The following TNFSF11 variants were observed in gnomAD, a reference collection of about 807,000 sequenced individuals.
TNFSF11 encodes TNF superfamily member 11.
TNFSF11 carries 12 observed loss-of-function variants against 32.2 expected under a neutral mutation model. The ratio of observed to expected loss-of-function variants is 0.37; its 90% CI spans 0.24 to 0.60. The LOEUF (loss-of-function observed/expected upper bound fraction) is 0.60. TNFSF11 is among the 20% of genes least tolerant of loss of function. The pLI is 0.66. For synonymous variants in TNFSF11, 172 were observed against 152.1 expected (o/e 1.13, Z -0.96); for missense variants, 345 against 398.0 (o/e 0.87, Z 1.13).
intron 4 of TNFSF11, among the ~76,000 whole-genome samples, chr13:42,601,853 T>C (rs548340293): frequency 1.3e-5 from 2 of 152,256 alleles, no homozygotes; most frequent in Admixed American, 6.5e-5. Context: ...TCCTGCAAGG[T>C]AGGGATTATC....
intron 2 of TNFSF11, among the ~76,000 whole-genome samples, chr13:42,593,685 A>G (rs963446217): frequency 6.6e-6 from 1 of 152,220 alleles, no homozygotes; most frequent in Non-Finnish European, 1.5e-5. Flanking sequence ...GTTGGAGAAG[A>G]ATTACATGAA....
intron 2 of TNFSF11, among the ~76,000 whole-genome samples, chr13:42,586,273 T>A: frequency 6.6e-6 from 1 of 152,234 alleles, no homozygotes; most frequent in Admixed American, 6.5e-5. Context: ...CACACTTAGT[T>A]TATTCTCAGG....
At chr13:42,584,115 A>T (rs1458970794) in intron 2 of TNFSF11, among the ~76,000 whole-genome samples, 1 of 152,232 alleles carries the variant, frequency 6.6e-6, no homozygotes, top group Non-Finnish European at 1.5e-5. Context: ...CTACAGAGGC[A>T]TTTAAAATAC....
chr13:42,578,266 G>C (rs760920955), intron 1 of TNFSF11, among the ~76,000 whole-genome samples: 1 of 152,178 alleles, frequency 6.6e-6, no homozygotes, highest in South Asian at 2.1e-4. Flanking sequence ...TTGGGTAGGC[G>C]ATACATTCGT....
At chr13:42,597,149 G>C (rs961547361) in intron 2 of TNFSF11, among the ~76,000 whole-genome samples, 14 of 135,254 alleles carry the variant, frequency 1.0e-4, no homozygotes, top group African/African-American at 3.8e-4. Context: ...TACAGATATT[G>C]GGAATACTTT....
Position 42,606,512 on chromosome 13 carries a change from G to A in TNFSF11, c.548G>A (p.Ser183Asn). Residue 183 changes from serine to asparagine, a missense_variant, in exon 5 of 5, where the codon AGT becomes AAT. Ser to Asn is a conservative substitution (Grantham distance 46). Coordinates refer to ENST00000398795, the MANE Select transcript of TNFSF11 (RefSeq NM_003701.4). ...TTCTCCACAGGTTCCCATAAAGTGA[G>A]TCTGTCCTCTTGGTACCATGATCGG... ...TDIPSGSHKV[S>N]LSSWYHDRGW... 1 of 1,614,202 alleles carries A rather than the reference G, an allele frequency of 6.2e-7. No individual in the cohort carries two copies. Among genetic ancestry groups the A allele is most frequent in the Non-Finnish European group, 8.5e-7 (1 of 1,180,038 alleles).
upstream of TNFSF11, among the ~76,000 whole-genome samples, chr13:42,571,211 G>A (rs116387786): frequency 1.3e-3 from 199 of 152,318 alleles, no homozygotes; most frequent in African/African-American, 4.5e-3. Context: ...CTGGAGAGGC[G>A]ACATTTGAGC....
intron 4 of TNFSF11, among the ~76,000 whole-genome samples, chr13:42,603,342 A>C (rs574203875): frequency 6.6e-6 from 1 of 152,242 alleles, no homozygotes; most frequent in African/African-American, 2.4e-5. Context: ...CAGGGACTGA[A>C]GTGTAGGGCA....
chr13:42,583,765 C>T (rs1381608470), intron 2 of TNFSF11, among the ~76,000 whole-genome samples: 1 of 151,956 alleles, frequency 6.6e-6, no homozygotes, highest in African/African-American at 2.4e-5. Flanking sequence ...AGGAACATGA[C>T]CAAGATGCCC....
chr13:42,599,381 T>TATC (rs1183055879), intron 2 of TNFSF11, among the ~76,000 whole-genome samples: 1 of 151,932 alleles, frequency 6.6e-6, no homozygotes, highest in African/African-American at 2.4e-5. Flanking sequence ...TCTATCTATC[T>TATC]ATCTGTCTAT....
chr13:42,603,040 T>C (rs1296197831), intron 4 of TNFSF11, among the ~76,000 whole-genome samples: 1 of 152,210 alleles, frequency 6.6e-6, no homozygotes, highest in Non-Finnish European at 1.5e-5. Context: ...AATTTGTGGC[T>C]CTGGCTGGGC....
At chr13:42,577,670 A>G (rs1240864807) in intron 1 of TNFSF11, among the ~76,000 whole-genome samples, 2 of 152,124 alleles carry the variant, frequency 1.3e-5, no homozygotes, top group Admixed American at 1.3e-4. Context: ...CGATCCCCCA[A>G]TATGCACAAA....
rs1193769791 is a variant in TNFSF11 at position 42,607,530 on chromosome 13, C to G, written c.*612C>G. 1 of 152,732 alleles carries G rather than the reference C, an allele frequency of 6.5e-6. No homozygotes were observed. The highest frequency in any genetic ancestry group is 1.5e-5 in the Non-Finnish European group (1 of 68,042). The allele number at this position is 152,732 out of a possible 1,614,324, so 9.5% of individuals were successfully genotyped here. On this transcript the variant is annotated 3_prime_UTR_variant, in exon 5 of 5. Transcript: ENST00000398795. The stretch of plus-strand genomic sequence containing the variant: ...GTTTTAAATGTACAGACATATTTAA[C>G]TGGTGCACTTTGTAAATTCCCTGGG...
upstream of TNFSF11, among the ~76,000 whole-genome samples, chr13:42,572,622 T>C (rs1260550705): frequency 6.6e-6 from 1 of 152,114 alleles, no homozygotes; most frequent in African/African-American, 2.4e-5. Flanking sequence ...AGTCTGAAAA[T>C]TTTTTGTCCC....
chr13:42,590,198 T>G (rs1874099711), intron 2 of TNFSF11, among the ~76,000 whole-genome samples: 1 of 152,262 alleles, frequency 6.6e-6, no homozygotes, highest in Non-Finnish European at 1.5e-5. Flanking sequence ...TTAATGAATA[T>G]GTGAGTGACC....
exon 1 of TNFSF11, chr13:42,562,777 A>C (rs1043118610): frequency 1.3e-5 from 2 of 152,234 alleles, no homozygotes; most frequent in African/African-American, 4.8e-5. Flanking sequence ...CTCTGGTGGC[A>C]TAGCTAAGAC....
At chr13:42,604,974 G>T (rs1166503750) in intron 4 of TNFSF11, among the ~76,000 whole-genome samples, 1 of 152,044 alleles carries the variant, frequency 6.6e-6, no homozygotes, top group African/African-American at 2.4e-5. Context: ...TAGTAGAGAT[G>T]GGGTTTCACC....
chr13:42,600,171 C>T (rs1311446838), intron 2 of TNFSF11, among the ~76,000 whole-genome samples: 2 of 152,042 alleles, frequency 1.3e-5, no homozygotes, highest in Admixed American at 6.6e-5. Context: ...TGCTTCTAAT[C>T]CTCTATTTGT....
intron 2 of TNFSF11, among the ~76,000 whole-genome samples, chr13:42,596,800 C>T (rs1416068322): frequency 6.6e-6 from 1 of 152,236 alleles, no homozygotes; most frequent in Non-Finnish European, 1.5e-5. Context: ...TTCATGGGAA[C>T]ACTTAATTAG....
Sources: gnomAD v4.1 joint callset for allele counts (sites outside exome capture counted in the v4.1 genomes callset) on GRCh38, gnomAD v4.1.1 for gene constraint, MANE v1.5 for transcripts, NCBI Gene and HGNC (gene_info 2026-07-23, HGNC 2026-07-21) for gene names.